PPARGC1A: variants seen among roughly 807,000 people sequenced by gnomAD.
The protein encoded by PPARGC1A is peroxisome proliferator-activated receptor gamma coactivator 1-alpha.
Under a neutral mutation model 88.7 loss-of-function variants are expected in PPARGC1A, and 25 were observed. The ratio of observed to expected loss-of-function variants is 0.28; its 90% CI spans 0.21 to 0.39. The LOEUF is 0.39. PPARGC1A is among the 10% of genes least tolerant of loss of function. The pLI is 1.00. For synonymous variants in PPARGC1A, 363 were observed against 355.6 expected (o/e 1.02, Z -0.24); for missense variants, 880 against 968.7 (o/e 0.91, Z 1.22).
chr4:24,397,890 A>G, the PPARGC1A span, among the ~76,000 whole-genome samples: 3 of 152,266 alleles, frequency 2.0e-5, no homozygotes, highest in African/African-American at 7.2e-5. Context: ...CTAAAAGGCT[A>G]TGTGGTAACT....
chr4:24,183,970 C>A, the PPARGC1A span, among the ~76,000 whole-genome samples: 1 of 152,212 alleles, frequency 6.6e-6, no homozygotes, highest in Non-Finnish European at 1.5e-5. Context: ...TAAAACAAAG[C>A]TGCTGAATCT....
the PPARGC1A span, among the ~76,000 whole-genome samples, chr4:24,377,694 G>A: frequency 6.6e-6 from 1 of 152,162 alleles, no homozygotes; most frequent in South Asian, 2.1e-4. Flanking sequence ...TCGATTTCAG[G>A]ATACAGCAGT....
the PPARGC1A span, among the ~76,000 whole-genome samples, chr4:24,228,297 A>T: frequency 1.3e-5 from 2 of 152,194 alleles, no homozygotes; most frequent in African/African-American, 4.8e-5. Flanking sequence ...GGTAGGCATA[A>T]AATACTACAC....
chr4:24,083,871 T>C, the PPARGC1A span, among the ~76,000 whole-genome samples: 1 of 152,260 alleles, frequency 6.6e-6, no homozygotes, highest in Admixed American at 6.5e-5. Context: ...ATTTCGTTTT[T>C]GTCCTGTCTA....
chr4:23,930,766 A>G, the PPARGC1A span, among the ~76,000 whole-genome samples: 1 of 152,218 alleles, frequency 6.6e-6, no homozygotes, highest in African/African-American at 2.4e-5. Context: ...GAAGGGGTTA[A>G]TATAAGCTGC....
At chr4:24,248,656 T>G in the PPARGC1A span, among the ~76,000 whole-genome samples, 5 of 152,172 alleles carry the variant, frequency 3.3e-5, no homozygotes, top group Non-Finnish European at 7.3e-5. Context: ...TCATTTAACC[T>G]CTCAGTGTCT....
the PPARGC1A span, among the ~76,000 whole-genome samples, chr4:24,382,924 C>A: frequency 2.0e-5 from 3 of 152,164 alleles, no homozygotes; most frequent in Non-Finnish European, 4.4e-5. Context: ...GTCCCTGACC[C>A]CCATGCCTCC....
the PPARGC1A span, among the ~76,000 whole-genome samples, chr4:23,999,747 G>A: frequency 6.6e-6 from 1 of 152,248 alleles, no homozygotes; most frequent in East Asian, 1.9e-4. Flanking sequence ...ATCTTTTCCT[G>A]GGACCTCCTT....
the PPARGC1A span, among the ~76,000 whole-genome samples, chr4:24,012,132 G>T: frequency 6.6e-6 from 1 of 152,162 alleles, no homozygotes; most frequent in African/African-American, 2.4e-5. Context: ...AAATGTAGCT[G>T]CCATCATGAG....
chr4:24,025,720 G>C, the PPARGC1A span, among the ~76,000 whole-genome samples: 1 of 147,922 alleles, frequency 6.8e-6, no homozygotes, highest in African/African-American at 2.5e-5. Context: ...AATAGATAGA[G>C]GGAGATGGAA....
At chr4:24,295,155 C>G in the PPARGC1A span, among the ~76,000 whole-genome samples, 1 of 152,200 alleles carries the variant, frequency 6.6e-6, no homozygotes, top group South Asian at 2.1e-4. Context: ...AAACCAAAAT[C>G]TCTTCATTCC....
the PPARGC1A span, among the ~76,000 whole-genome samples, chr4:24,371,008 C>G: frequency 3.9e-5 from 6 of 152,158 alleles, no homozygotes; most frequent in Admixed American, 3.3e-4. Context: ...TCAACTCCCA[C>G]TTACGAGTGA....
At chr4:23,817,876 C>T (rs1454650685) in intron 7 of PPARGC1A, among the ~76,000 whole-genome samples, 1 of 152,158 alleles carries the variant, frequency 6.6e-6, no homozygotes, top group Non-Finnish European at 1.5e-5. Flanking sequence ...CAAAACAAAA[C>T]AAAGGTGCAA....
At chr4:23,801,595 T>C (rs1044662245) in intron 12 of PPARGC1A, 135 bp downstream of exon 12, 4 of 1,028,536 alleles carry the variant, frequency 3.9e-6, no homozygotes, top group African/African-American at 3.3e-5. Context: ...ACGTTTTTCT[T>C]AAAAATCTGT....
upstream of PPARGC1A, among the ~76,000 whole-genome samples, chr4:23,901,167 A>G (rs2148880642): frequency 6.6e-6 from 1 of 152,286 alleles, no homozygotes; most frequent in South Asian, 2.1e-4. Context: ...GGAGATCGAG[A>G]CCATCCTGGC....
At chr4:24,158,672 T>C in the PPARGC1A span, among the ~76,000 whole-genome samples, 3 of 152,198 alleles carry the variant, frequency 2.0e-5, no homozygotes, top group African/African-American at 7.2e-5. Flanking sequence ...AGGCAGAAGC[T>C]GGCTTAAATT....
rs1363647218 is a variant in PPARGC1A, at chr4:23,828,475, T to G, written c.682A>C (p.Asn228His). ...CATTTGTCTCTGCTGCTGTTTCTGT[T>G]CTCTGTGGGTTTGGTGTGAGGAGGG... is the stretch of plus-strand genomic sequence containing the variant. ...DDPPHTKPTE[N>H]RNSSRDKCTS... The change falls in exon 5 of 13, where the codon AAC (asparagine) becomes CAC (histidine). Residue 228 changes from asparagine (N) to histidine (H), a missense_variant. Physicochemically the swap from Asn to His is moderately conservative, Grantham distance 68. Transcript: ENST00000264867. 6.2e-7 allele frequency: 1 copy of G among 1,614,104 alleles called. No individual in the cohort carries two copies. The highest frequency in any genetic ancestry group is 1.7e-5 in the Admixed American group (1 of 60,018).
At chr4:24,469,278 A>G in the PPARGC1A span, among the ~76,000 whole-genome samples, 1 of 152,212 alleles carries the variant, frequency 6.6e-6, no homozygotes, top group African/African-American at 2.4e-5. Flanking sequence ...TTTCTCAAAC[A>G]TGTGCCCATG....
the PPARGC1A span, among the ~76,000 whole-genome samples, chr4:24,369,371 A>G: frequency 1.3e-5 from 2 of 152,226 alleles, no homozygotes; most frequent in African/African-American, 2.4e-5. Flanking sequence ...TTCACCGATA[A>G]GGCCAAGGAG....
Sources: allele counts gnomAD v4.1 joint callset (sites outside exome capture counted in the v4.1 genomes callset), GRCh38; gene constraint gnomAD v4.1.1; transcripts MANE v1.5; gene names NCBI Gene and HGNC (gene_info 2026-07-23, HGNC 2026-07-21).